PPM1E: variants seen among roughly 807,000 people sequenced by gnomAD.
The protein encoded by PPM1E is protein phosphatase 1E.
A neutral mutation model predicts 65.9 loss-of-function variants in PPM1E; 20 were observed. The ratio of observed to expected loss-of-function variants is 0.30; its 90% CI spans 0.21 to 0.44. The LOEUF (loss-of-function observed/expected upper bound fraction) is 0.44, where lower values mean the gene tolerates loss of function less well. Among genes scored for constraint, PPM1E ranks in the 20% least tolerant of loss-of-function variants. PPM1E has a pLI of 1.00. For missense variants in PPM1E, 713 were observed against 953.1 expected, an observed-to-expected ratio of 0.75 and a Z score of 3.32; for synonymous variants, 352 against 374.9, an observed-to-expected ratio of 0.94 and a Z score of 0.70.
intron 1 of PPM1E, among the ~76,000 whole-genome samples, chr17:58,810,207 C>T (rs2050352512): frequency 6.6e-6 from 1 of 151,866 alleles, no homozygotes; most frequent in African/African-American, 2.4e-5. Flanking sequence ...GTGCTGTGTA[C>T]TTTTTTGTTT....
intron 1 of PPM1E, among the ~76,000 whole-genome samples, chr17:58,861,116 T>G (rs555982543): frequency 6.6e-6 from 1 of 152,186 alleles, no homozygotes; most frequent in African/African-American, 2.4e-5. Context: ...GGTCTTCTAT[T>G]CAGTCTTGTC....
chr17:58,793,259 TG>T (rs1243883945), intron 1 of PPM1E, among the ~76,000 whole-genome samples: 1 of 152,102 alleles, frequency 6.6e-6, no homozygotes, highest in Non-Finnish European at 1.5e-5. Context: ...TACATGTATA[TG>T]TAATATATGC....
At chr17:58,827,301 C>T (rs940360028) in intron 1 of PPM1E, among the ~76,000 whole-genome samples, 5 of 151,874 alleles carry the variant, frequency 3.3e-5, no homozygotes, top group Non-Finnish European at 7.4e-5. Flanking sequence ...CCATGCCCAG[C>T]TAATTTTTTG....
intron 1 of PPM1E, among the ~76,000 whole-genome samples, chr17:58,802,316 A>G (rs2050266340): frequency 6.6e-6 from 1 of 152,032 alleles, no homozygotes; most frequent in African/African-American, 2.4e-5. Flanking sequence ...TCTTCTTGGT[A>G]CCTTTGTTGA....
At chr17:58,954,263 T>C (rs551665224) in intron 1 of PPM1E, among the ~76,000 whole-genome samples, 11 of 152,296 alleles carry the variant, frequency 7.2e-5, no homozygotes, top group African/African-American at 2.6e-4. Context: ...TTTCTCACTC[T>C]TTTTCTTCTC....
chr17:58,801,433 C>G (rs2143053049), intron 1 of PPM1E, among the ~76,000 whole-genome samples: 1 of 144,736 alleles, frequency 6.9e-6, no homozygotes, highest in East Asian at 2.0e-4. Context: ...TCTTTTTCCC[C>G]TTCAGTCTTT....
intron 1 of PPM1E, among the ~76,000 whole-genome samples, chr17:58,920,334 G>C (rs1283309753): frequency 1.3e-5 from 2 of 152,116 alleles, no homozygotes; most frequent in Admixed American, 1.3e-4. Flanking sequence ...CTCACCTCCA[G>C]TGATCTTGTC....
intron 1 of PPM1E, among the ~76,000 whole-genome samples, chr17:58,812,039 T>A (rs2050373458): frequency 6.6e-6 from 1 of 151,942 alleles, no homozygotes; most frequent in African/African-American, 2.4e-5. Flanking sequence ...AGAAAAAAAA[T>A]ATATAAGACC....
chr17:58,827,911 A>T (rs529718334), intron 1 of PPM1E, among the ~76,000 whole-genome samples: 115 of 144,708 alleles, frequency 7.9e-4, no homozygotes, highest in Admixed American at 1.9e-3. Flanking sequence ...CAAAAAAAAA[A>T]AATAATAATA....
In PPM1E at chr17:58,785,458, T is replaced by TTATATATATATATATATATATA. The variant is rs71367630; in HGVS notation, c.464+29008_464+29029dup. 2.3e-3 allele frequency: 201 copies of TTATATATATATATATATATATA among 88,846 alleles called. 3 individuals are homozygous for TTATATATATATATATATATATA. The highest frequency in any genetic ancestry group is 3.0e-3 in the Non-Finnish European group (147 of 48,938). 5.5% of individuals were successfully genotyped at this position (88,846 alleles called of 1,614,324 possible). Reference sequence around the variant, plus strand: ...GCTAGATGTACCACACCTGGCTAATTTATATATATATATATATATATATAT... The same window carrying TTATATATATATATATATATATA: ...GCTAGATGTACCACACCTGGCTAATTTATATATATATATATATATATATATATATATATATATATATATATAT... On this transcript the variant is annotated intron_variant, in intron 1 of 6. Transcript: ENST00000308249.
chr17:58,965,548 A>G (rs1356382806), intron 2 of PPM1E, 146 bp from the exon 3 acceptor site: 2 of 776,038 alleles, frequency 2.6e-6, no homozygotes, highest in Non-Finnish European at 4.3e-6. Context: ...CTTCAGAAGC[A>G]GCATTTCATT....
intron 2 of PPM1E, among the ~76,000 whole-genome samples, chr17:58,965,306 T>C (rs1318179251): frequency 6.6e-6 from 1 of 152,122 alleles, no homozygotes; most frequent in Non-Finnish European, 1.5e-5. Context: ...TCACTGCTTA[T>C]TTTTCTAAGC....
At chr17:58,928,280 CAAAA>C (rs1450521994) in intron 1 of PPM1E, among the ~76,000 whole-genome samples, 1 of 152,066 alleles carries the variant, frequency 6.6e-6, no homozygotes, top group Non-Finnish European at 1.5e-5. Flanking sequence ...CAACCAGAAA[CAAAA>C]AAGCCTCTCA....
At position 58,980,114 on chromosome 17, in the gene PPM1E, T is replaced by G; in HGVS notation, c.1351T>G (p.Ser451Ala). 3.1e-6 allele frequency: 5 copies of G among 1,614,100 alleles called. No individual in the cohort carries two copies. The Middle Eastern group carries it at 4.9e-4, about 160-fold the overall frequency. Reference sequence around the variant, plus strand: ...CCCTGATGAGGCAGTGAAAGTTGTGTCCGACCACCTGAAAGAGAATAATGG... The same window carrying G: ...CCCTGATGAGGCAGTGAAAGTTGTGGCCGACCACCTGAAAGAGAATAATGG... ...VNPDEAVKVV[S>A]DHLKENNGDS... Residue 451 changes from serine to alanine, a missense_variant, in exon 7 of 7, where the codon TCC becomes GCC. This residue lies in a region of PPM1E where 88 missense variants were observed against 231.1 expected (regional missense o/e 0.38). Coordinates refer to ENST00000308249, the MANE Select transcript of PPM1E (RefSeq NM_014906.5). The surrounding 1 kb of genome is among the most constrained non-coding windows in gnomAD (Gnocchi z 4.7).
chr17:58,948,641 T>C (rs1344692561), intron 1 of PPM1E, among the ~76,000 whole-genome samples: 2 of 152,214 alleles, frequency 1.3e-5, no homozygotes, highest in Non-Finnish European at 2.9e-5. Flanking sequence ...TCAATTTTCA[T>C]ACATATTTTT....
Position 58,756,352 on chromosome 17 carries a change from C to T in PPM1E, c.355C>T (p.Pro119Ser). Reference protein sequence around the residue: ...PGHSAVPPPPPQLPPLPPLPR... With the variant: ...PGHSAVPPPPSQLPPLPPLPR... ...GCACTCGGCCGTGCCGCCGCCGCCG[C>T]CCCAGCTGCCGCCTTTGCCCCCGCT... Residue 119 changes from proline to serine, a missense_variant, in exon 1 of 7, where the codon CCC becomes TCC. Coordinates refer to ENST00000308249, the MANE Select transcript of PPM1E (RefSeq NM_014906.5). 2.9e-6 allele frequency: 4 copies of T among 1,379,102 alleles called. No individual in the cohort carries two copies. The highest frequency in any genetic ancestry group is 3.7e-5 in the Admixed American group (1 of 26,724). The allele number at this position is 1,379,102 out of a possible 1,614,324, so 85.4% of individuals were successfully genotyped here. A position where few individuals can be genotyped will look rare whatever the true frequency, so the allele number is the denominator to read the frequency against.
At chr17:58,979,766 C>T (rs1457932486) in intron 6 of PPM1E, among the ~76,000 whole-genome samples, 3 of 152,144 alleles carry the variant, frequency 2.0e-5, no homozygotes, top group African/African-American at 7.2e-5. Flanking sequence ...CAGTAACTAG[C>T]AATTATTTAA....
At chr17:58,931,724 G>A (rs1202669031) in intron 1 of PPM1E, among the ~76,000 whole-genome samples, 2 of 152,154 alleles carry the variant, frequency 1.3e-5, no homozygotes, top group Admixed American at 1.3e-4. Flanking sequence ...AGAAAATAAT[G>A]TGTGATCCAA....
At chr17:58,924,885 T>G (rs1324448567) in intron 1 of PPM1E, among the ~76,000 whole-genome samples, 1 of 152,168 alleles carries the variant, frequency 6.6e-6, no homozygotes, top group African/African-American at 2.4e-5. Context: ...GCTTCATCCA[T>G]GTCCCTGCAA....
Sources: gnomAD v4.1 joint callset for allele counts (sites outside exome capture counted in the v4.1 genomes callset) on GRCh38, gnomAD v4.1.1 for gene constraint, gnomAD v4.1.1 regional missense constraint, Gnocchi (gnomAD v3.1) non-coding constraint, MANE v1.5 for transcripts, NCBI Gene and HGNC (gene_info 2026-07-23, HGNC 2026-07-21) for gene names.